VAT1L: variants seen among roughly 807,000 people sequenced by gnomAD.
VAT1L encodes the protein putative NADPH-dependent quinone oxidoreductase VAT1L.
Under a neutral mutation model 44.1 loss-of-function variants are expected in VAT1L, and 34 were observed. That is an observed-to-expected ratio of 0.77 (90% CI 0.59 to 1.03). VAT1L has a LOEUF of 1.03. VAT1L is among the 50% of genes least tolerant of loss of function. The probability of loss-of-function intolerance (pLI) is 0.00; values close to 1 mark genes in which losing one functional copy is unlikely to be tolerated. For synonymous variants in VAT1L, 253 were observed against 202.2 expected, an observed-to-expected ratio of 1.25 and a Z score of -2.13; for missense variants, 615 against 538.8, an observed-to-expected ratio of 1.14 and a Z score of -1.40.
chr16:77,936,111 C>A lies in VAT1L; in HGVS notation c.1078-35739C>A, dbSNP rs76781305. Among the ~76,000 whole-genome samples, 276 of 152,286 alleles carry A rather than the reference C, an allele frequency of 1.8e-3. 2 individuals are homozygous for A. Among genetic ancestry groups the A allele is most frequent in the African/African-American group, 5.8e-3 (242 of 41,564 alleles). On this transcript the variant is annotated intron_variant, in intron 7 of 8. Transcript: ENST00000302536. ...AGGTTGTGGGGAGACTATCGCACCACTGACTTTTCTTATAACTTCCCAGGA... is the reference window on the plus strand; with the variant it reads ...AGGTTGTGGGGAGACTATCGCACCAATGACTTTTCTTATAACTTCCCAGGA...
At chr16:77,887,047 G>A (rs1052867965) in intron 7 of VAT1L, among the ~76,000 whole-genome samples, 3 of 152,198 alleles carry the variant, frequency 2.0e-5, no homozygotes, top group African/African-American at 7.2e-5. Context: ...AATGCATGCT[G>A]TAGAGAAACT....
intron 3 of VAT1L, among the ~76,000 whole-genome samples, chr16:77,840,896 A>C (rs16946605): frequency 0.051 from 7,727 of 152,272 alleles, 686 homozygotes; most frequent in African/African-American, 0.18. Context: ...AAATCATCTT[A>C]TTACACAATC....
chr16:77,977,631 G>T lies in VAT1L; in HGVS notation c.1196G>T (p.Gly399Val). 6.2e-7 allele frequency: 1 copy of T among 1,614,132 alleles called. No individual in the cohort carries two copies. The highest frequency in any genetic ancestry group is 8.5e-7 in the Non-Finnish European group (1 of 1,179,998). The change falls in exon 9 of 9, where the codon GGG (glycine) becomes GTG (valine). Residue 399 changes from glycine (G) to valine (V), a missense_variant. By Grantham distance (109) the Gly-to-Val change is moderately radical. Coordinates refer to ENST00000302536, the MANE Select transcript of VAT1L (RefSeq NM_020927.3). ...GACAGCACAGAGACCAGTGAAGCAG[G>T]GGAAGAGGAGGAGGACCACGAGGGA... is the stretch of plus-strand genomic sequence containing the variant. ...ANDSTETSEAGEEEEDHEGDS... is the reference protein window; with the variant it reads ...ANDSTETSEAVEEEEDHEGDS...
intron 7 of VAT1L, among the ~76,000 whole-genome samples, chr16:77,912,520 C>A (rs888362673): frequency 6.6e-6 from 1 of 152,022 alleles, no homozygotes; most frequent in Non-Finnish European, 1.5e-5. Context: ...CAGGCTCAAG[C>A]GGTCCTCCCT....
At chr16:77,853,650 C>G (rs1321745266) in intron 3 of VAT1L, among the ~76,000 whole-genome samples, 1 of 152,102 alleles carries the variant, frequency 6.6e-6, no homozygotes, top group Non-Finnish European at 1.5e-5. Flanking sequence ...GGGCCCCATC[C>G]TGGAAGTTTC....
At chr16:77,799,740 A>T (rs1263444879) in intron 1 of VAT1L, among the ~76,000 whole-genome samples, 1 of 152,152 alleles carries the variant, frequency 6.6e-6, no homozygotes, top group Non-Finnish European at 1.5e-5. Flanking sequence ...AGTCAGGTCC[A>T]TTCCCTCTCC....
rs566886307 is a variant in VAT1L, at chr16:77,956,429, T to C, written c.1078-15421T>C. Among the ~76,000 whole-genome samples, 14 of 152,176 alleles carry C rather than the reference T, an allele frequency of 9.2e-5. 1 individual carries two copies. Among genetic ancestry groups the C allele is most frequent in the Non-Finnish European group, 8.8e-5 (6 of 68,040 alleles). The stretch of plus-strand genomic sequence containing the variant: ...GGGTTGATGCAATGAAATGAGGTCA[T>C]GCACATGAGGTGCTTTGCTCGGTGA... On this transcript the variant is annotated intron_variant, in intron 7 of 8. Coordinates refer to ENST00000302536, the MANE Select transcript of VAT1L (RefSeq NM_020927.3).
At chr16:77,919,447 G>C (rs984141053) in intron 7 of VAT1L, among the ~76,000 whole-genome samples, 57 of 152,310 alleles carry the variant, frequency 3.7e-4, no homozygotes, top group African/African-American at 1.3e-3. Context: ...AAATTAATTA[G>C]AGGTAGAGAT....
chr16:77,809,894 G>A (rs577214174), intron 1 of VAT1L, among the ~76,000 whole-genome samples: 95 of 152,276 alleles, frequency 6.2e-4, no homozygotes, highest in African/African-American at 2.1e-3. Context: ...AACCAGGAAC[G>A]GGGCAGCCTG....
At chr16:77,943,226 T>C (rs2017912490) in intron 7 of VAT1L, among the ~76,000 whole-genome samples, 1 of 148,878 alleles carries the variant, frequency 6.7e-6, no homozygotes, top group South Asian at 2.1e-4. Flanking sequence ...CCAGCTAATT[T>C]TTGTATTTTT....
At chr16:77,877,512 CAAAAAAAAAAAAAAAAAAA>C (rs55704400) in intron 5 of VAT1L, among the ~76,000 whole-genome samples, 42,126 of 88,180 alleles carry the variant, frequency 0.48, 7,029 homozygotes, top group East Asian at 0.57. Context: ...GACTCTGTCT[CAAAAAAAAAAAAAAAAAAA>C]AAAAAAAAAA....
intron 1 of VAT1L, among the ~76,000 whole-genome samples, chr16:77,815,445 T>A (rs1301862038): frequency 2.0e-5 from 3 of 152,286 alleles, no homozygotes; most frequent in South Asian, 2.1e-4. Flanking sequence ...GGTTGCACTT[T>A]AGAGAAATAC....
chr16:77,862,596 C>G, intron 3 of VAT1L, 152 bp from the exon 4 acceptor site: 5 of 767,872 alleles, frequency 6.5e-6, no homozygotes, highest in Non-Finnish European at 9.8e-6. Context: ...GCACTCCAGC[C>G]TGAGTGACAG....
chr16:77,953,748 G>C (rs1402789471), intron 7 of VAT1L, among the ~76,000 whole-genome samples: 1 of 151,844 alleles, frequency 6.6e-6, no homozygotes, highest in Non-Finnish European at 1.5e-5. Context: ...CTCCCACCTC[G>C]ACCTCCCAAA....
rs768480632 is a variant in VAT1L at position 77,825,296 on chromosome 16, G to A, written c.414G>A (p.Val138=). 4 of 1,614,162 alleles carry A rather than the reference G, an allele frequency of 2.5e-6. No homozygotes were observed. The South Asian group carries it at 4.4e-5, about 18-fold the overall frequency. ...AFVNYNAWAE[V]VCTPVEFVYK... The stretch of plus-strand genomic sequence containing the variant: ...TCAATTACAATGCCTGGGCAGAGGT[G>A]GTCTGCACACCAGTGGAGTTTGTCT... Residue 138 remains valine, a synonymous_variant, in exon 3 of 9, where the codon GTG becomes GTA. Transcript: ENST00000302536.
rs375862323 is a variant in VAT1L at position 77,973,471 on chromosome 16, G to C, written c.1161+1538G>C. 3.3e-5 allele frequency among the ~76,000 whole-genome samples: 5 copies of C among 152,032 alleles called. No individual in the cohort carries two copies. In the East Asian group the frequency reaches 5.8e-4, roughly 18 times the overall value. On this transcript the variant is annotated intron_variant, in intron 8 of 8. Transcript: ENST00000302536. ...GGTTAATTTTTGTATTTTTAGTAGA[G>C]ATGGGGTTTTACCATGTGGGTCAGG...
intron 7 of VAT1L, among the ~76,000 whole-genome samples, chr16:77,901,642 T>A (rs1248881012): frequency 6.6e-6 from 1 of 152,214 alleles, no homozygotes; most frequent in East Asian, 1.9e-4. Flanking sequence ...CTCCCAGGTT[T>A]GCAGGCCATC....
At chr16:77,813,610 T>C (rs951466110) in intron 1 of VAT1L, among the ~76,000 whole-genome samples, 1 of 152,208 alleles carries the variant, frequency 6.6e-6, no homozygotes, top group Admixed American at 6.5e-5. Flanking sequence ...GCTGTTCGTG[T>C]TTTTTCTTTT....
chr16:77,826,042 AAAAAAAAG>A lies in VAT1L; in HGVS notation c.579+585_579+592del, dbSNP rs1486934169. Among the ~76,000 whole-genome samples, 8 of 110,812 alleles carry A rather than the reference AAAAAAAAG, an allele frequency of 7.2e-5. 1 individual carries two copies. Among genetic ancestry groups the A allele is most frequent in the East Asian group, 3.6e-4 (1 of 2,768 alleles). The allele number at this position is 110,812 out of a possible 152,430, so 72.7% of individuals were successfully genotyped here. On this transcript the variant is annotated intron_variant, in intron 3 of 8. Coordinates refer to ENST00000302536, the MANE Select transcript of VAT1L (RefSeq NM_020927.3). ...CATCTCAAAAAAAAAAGAAAAAAAAAAAAAAAAGAAAGAAATTAGCCGGGCGTAGTGGC... is the reference window on the plus strand; with the variant it reads ...CATCTCAAAAAAAAAAGAAAAAAAAAAAAGAAATTAGCCGGGCGTAGTGGC...
Sources: allele counts gnomAD v4.1 joint callset (sites outside exome capture counted in the v4.1 genomes callset), GRCh38; gene constraint gnomAD v4.1.1; transcripts MANE v1.5; gene names NCBI Gene and HGNC (gene_info 2026-07-23, HGNC 2026-07-21).